EIF4E: variants seen among roughly 807,000 people sequenced by gnomAD.
The protein encoded by EIF4E is eIF-4F 25 kDa subunit.
For synonymous variants in EIF4E, 71 were observed against 88.5 expected, an observed-to-expected ratio of 0.80 and a Z score of 1.11; for missense variants, 113 against 265.6, an observed-to-expected ratio of 0.43 and a Z score of 3.99.
At chr4:98,917,375 T>C (rs2110217886) in intron 1 of EIF4E, among the ~76,000 whole-genome samples, 1 of 152,168 alleles carries the variant, frequency 6.6e-6, no homozygotes, top group South Asian at 2.1e-4. Context: ...CCTCACCAGA[T>C]AACAACTATA....
intron 1 of EIF4E, 28 bp downstream of exon 1, chr4:98,929,067 G>A (rs1432768250): frequency 1.3e-5 from 21 of 1,578,712 alleles, no homozygotes; most frequent in Non-Finnish European, 1.7e-5. Flanking sequence ...GGGGACCCGT[G>A]GGGGTGGGGG....
At chr4:98,909,636 A>G (rs1357456391) in intron 1 of EIF4E, 1 of 710,554 alleles carries the variant, frequency 1.4e-6, no homozygotes, top group Non-Finnish European at 2.6e-6. Context: ...AAAGAACAGT[A>G]TATGCAGCTT....
intron 1 of EIF4E, 38 bp downstream of exon 1, chr4:98,929,056 CG>C: frequency 6.3e-7 from 1 of 1,575,916 alleles, no homozygotes; most frequent in Non-Finnish European, 8.6e-7. Context: ...AGACGGAGCG[CG>C]GGGACCCGTG....
intron 1 of EIF4E, among the ~76,000 whole-genome samples, chr4:98,907,013 A>G (rs1351104269): frequency 6.6e-6 from 1 of 152,204 alleles, no homozygotes; most frequent in Non-Finnish European, 1.5e-5. Flanking sequence ...TGCTTTTTAT[A>G]AAGTAGCTAA....
chr4:98,912,243 ACTCCGT>A (rs1175587430), intron 1 of EIF4E, among the ~76,000 whole-genome samples: 1 of 146,090 alleles, frequency 6.8e-6, no homozygotes, highest in Non-Finnish European at 1.5e-5. Context: ...CAAGAGCAAA[ACTCCGT>A]CTCGAAAAAA....
chr4:98,891,838 G>A (rs988326568), intron 2 of EIF4E, among the ~76,000 whole-genome samples: 1 of 152,174 alleles, frequency 6.6e-6, no homozygotes, highest in East Asian at 1.9e-4. Context: ...CAAAATGCTA[G>A]TTGTTATTAC....
intron 2 of EIF4E, among the ~76,000 whole-genome samples, chr4:98,896,002 C>A (rs1358452745): frequency 2.2e-5 from 3 of 138,070 alleles, no homozygotes; most frequent in Non-Finnish European, 5.1e-5. Context: ...TCGAGACCAT[C>A]CTGGCCAACA....
At chr4:98,921,679 T>G (rs907270339) in intron 1 of EIF4E, among the ~76,000 whole-genome samples, 1 of 152,210 alleles carries the variant, frequency 6.6e-6, no homozygotes, top group Non-Finnish European at 1.5e-5. Context: ...TAGCTTAAAC[T>G]TTTTCAAAAC....
intron 1 of EIF4E, among the ~76,000 whole-genome samples, chr4:98,920,320 A>G (rs1725588573): frequency 6.8e-6 from 1 of 147,712 alleles, no homozygotes; most frequent in African/African-American, 2.5e-5. Context: ...TTTTTTTTTG[A>G]GACGGAGTTT....
intron 1 of EIF4E, among the ~76,000 whole-genome samples, chr4:98,928,175 C>T (rs1351998118): frequency 6.6e-6 from 1 of 152,266 alleles, no homozygotes; most frequent in South Asian, 2.1e-4. Context: ...GAGGCGTGCG[C>T]ACTACGCGGA....
At chr4:98,909,398 T>A in intron 1 of EIF4E, 1 of 392,960 alleles carries the variant, frequency 2.5e-6, no homozygotes, top group African/African-American at 2.1e-5. Context: ...TTTGACAAAT[T>A]AAATCAGGCA....
In EIF4E at chr4:98,889,843, G is replaced by A. The variant is rs555429557; in HGVS notation, c.221+1394C>T. On this transcript the variant is annotated intron_variant, in intron 3 of 6. Transcript: ENST00000450253. ...GGAGAATGAAAAGCTTTTTTTTGGG[G>A]GGTGCAGAAGACTGGAGTTATTTAA... Among the ~76,000 whole-genome samples the A allele has an allele frequency of 2.6e-5, 4 of 152,078 alleles. No individual in the cohort carries two copies. The South Asian group carries it at 8.3e-4, about 32-fold the overall frequency.
chr4:98,920,879 G>C (rs551757320), intron 1 of EIF4E, among the ~76,000 whole-genome samples: 39 of 152,054 alleles, frequency 2.6e-4, no homozygotes, highest in Non-Finnish European at 5.1e-4. Context: ...CTACGCATCA[G>C]TATCAACCCT....
At chr4:98,921,914 A>G (rs1017627220) in intron 1 of EIF4E, among the ~76,000 whole-genome samples, 1 of 152,154 alleles carries the variant, frequency 6.6e-6, no homozygotes, top group Non-Finnish European at 1.5e-5. Flanking sequence ...GAAATCCACA[A>G]AGTTCTCAAT....
intron 1 of EIF4E, among the ~76,000 whole-genome samples, chr4:98,908,766 C>CA (rs1724987115): frequency 6.6e-6 from 1 of 152,162 alleles, no homozygotes; most frequent in Non-Finnish European, 1.5e-5. Flanking sequence ...TCAATATAGT[C>CA]AATCTTCATA....
intron 2 of EIF4E, among the ~76,000 whole-genome samples, chr4:98,899,054 T>C (rs1269960845): frequency 1.4e-5 from 2 of 138,386 alleles, no homozygotes; most frequent in Non-Finnish European, 3.2e-5. Flanking sequence ...TAAAGACCTC[T>C]AAAAAAAAAA....
At chr4:98,927,237 A>G (rs1725909498) in intron 1 of EIF4E, among the ~76,000 whole-genome samples, 1 of 152,226 alleles carries the variant, frequency 6.6e-6, no homozygotes, top group Admixed American at 6.5e-5. Flanking sequence ...TGGTGCCAAT[A>G]AAAAAACAAG....
At position 98,891,645 on chromosome 4, in the gene EIF4E, C is replaced by G. The variant is rs146812170; in HGVS notation, c.126-313G>C. ...ATAGAAACAAAAAGAATGGTGATTG[C>G]CACTAGCCAAAGAGAAGGGAGTTTA... On this transcript the variant is annotated intron_variant, in intron 2 of 6. Coordinates refer to ENST00000450253, the MANE Select transcript of EIF4E (RefSeq NM_001968.5). The G allele has an allele frequency of 7.3e-3, 2,170 of 299,180 alleles. 48 individuals carry two copies. The highest frequency in any genetic ancestry group is 0.043 in the African/African-American group (1,955 of 45,542). The allele number at this position is 299,180 out of a possible 1,614,324, so 18.5% of individuals were successfully genotyped here. A position where few individuals can be genotyped will look rare whatever the true frequency, so the allele number is the denominator to read the frequency against.
intron 1 of EIF4E, chr4:98,926,510 C>G (rs957002304): frequency 6.6e-6 from 1 of 152,302 alleles, no homozygotes; most frequent in Admixed American, 6.5e-5. Flanking sequence ...CCATTGCACT[C>G]CAGCCTGGGC....
Sources: allele counts gnomAD v4.1 joint callset (sites outside exome capture counted in the v4.1 genomes callset), GRCh38; gene constraint gnomAD v4.1.1; transcripts MANE v1.5; gene names NCBI Gene and HGNC (gene_info 2026-07-23, HGNC 2026-07-21).